The following DEFB121 variants were observed in gnomAD, a reference collection of about 807,000 sequenced individuals.
DEFB121 encodes the protein beta-defensin 121.
DEFB121 carries 5 observed loss-of-function variants against 2.5 expected under a neutral mutation model. That is an observed-to-expected ratio of 1.96 (90% CI 1.03 to 4.13). The LOEUF (loss-of-function observed/expected upper bound fraction) is 4.13. DEFB121 is among the 30% of genes most tolerant of loss of function. The pLI, the probability that DEFB121 is intolerant of heterozygous loss-of-function variation, is 0.00. For missense variants in DEFB121, 87 were observed against 85.0 expected, an observed-to-expected ratio of 1.02 and a Z score of -0.09; for synonymous variants, 39 against 32.6, an observed-to-expected ratio of 1.20 and a Z score of -0.67.
upstream of DEFB121, among the ~76,000 whole-genome samples, chr20:31,415,628 T>A (rs758776154): frequency 3.5e-4 from 51 of 145,242 alleles, no homozygotes; most frequent in Non-Finnish European, 6.0e-4. Context: ...TACTGCAAAG[T>A]AGGCTGTCTA....
chr20:31,406,570 G>T (rs1978488794), upstream of DEFB121, among the ~76,000 whole-genome samples: 1 of 152,176 alleles, frequency 6.6e-6, no homozygotes, highest in African/African-American at 2.4e-5. Context: ...ATCTTAGGAT[G>T]TCCCATATGT....
At chr20:31,409,321 A>T (rs949746993), upstream of DEFB121, among the ~76,000 whole-genome samples, 4 of 152,360 alleles carry the variant, frequency 2.6e-5, no homozygotes, top group Admixed American at 6.5e-5. Context: ...TAGTAACTTT[A>T]TTCACCATAA....
At chr20:31,405,569 G>T (rs1270741323) in intron 1 of DEFB121, among the ~76,000 whole-genome samples, 1 of 152,084 alleles carries the variant, frequency 6.6e-6, no homozygotes, top group East Asian at 1.9e-4. Context: ...ATATCATACT[G>T]CCTTCTTCAC....
chr20:31,415,382 TGGGATCACA>T (rs987680611), upstream of DEFB121, among the ~76,000 whole-genome samples: 1 of 151,806 alleles, frequency 6.6e-6, no homozygotes, highest in Non-Finnish European at 1.5e-5. Flanking sequence ...CCCAAGTAGG[TGGGATCACA>T]GGCACCAGCC....
At chr20:31,409,588 A>C (rs1360697853), upstream of DEFB121, among the ~76,000 whole-genome samples, 3 of 152,042 alleles carry the variant, frequency 2.0e-5, no homozygotes, top group Non-Finnish European at 4.4e-5. Context: ...CAAAAATAAC[A>C]AAATTAGCCA....
Position 31,406,192 on chromosome 20 carries a change from C to A in DEFB121, c.-40G>T. The A allele has an allele frequency of 6.2e-7, 1 of 1,612,984 alleles. No homozygotes were observed. The highest frequency in any genetic ancestry group is 8.5e-7 in the Non-Finnish European group (1 of 1,179,358). ...CAGGGAGGGATAGGAGGCTTCTCAA[C>A]TGGTAAAACAGACAGAGGACTCCAT... On this transcript the variant is annotated 5_prime_UTR_variant, in exon 1 of 2. Transcript: ENST00000376314.
At chr20:31,415,691 C>G (rs1341211710), upstream of DEFB121, among the ~76,000 whole-genome samples, 5 of 152,026 alleles carry the variant, frequency 3.3e-5, no homozygotes, top group East Asian at 7.7e-4. Context: ...GAACAACCAC[C>G]CAAGGGCCAG....
At chr20:31,417,340 G>C (rs1978835172), upstream of DEFB121, among the ~76,000 whole-genome samples, 1 of 151,906 alleles carries the variant, frequency 6.6e-6, no homozygotes, top group Non-Finnish European at 1.5e-5. Context: ...GCCAGACCCT[G>C]TCTCAAAAAG....
chr20:31,405,166 G>A lies in DEFB121; in HGVS notation c.59-81C>T, dbSNP rs937906193. On this transcript the variant is annotated intron_variant, in intron 1 of 1. Transcript: ENST00000376314. ...TGTGAAAGGAAGAGGCTAAAGCCCA[G>A]TAGAGGAGTAGGAGGGAAATGAGGA... 4.3e-6 allele frequency: 6 copies of A among 1,380,184 alleles called. No individual in the cohort carries two copies. In the African/African-American group the frequency reaches 5.8e-5, roughly 13 times the overall value. 85.5% of individuals were successfully genotyped at this position (1,380,184 alleles called of 1,614,324 possible).
upstream of DEFB121, among the ~76,000 whole-genome samples, chr20:31,407,533 A>C (rs2122351888): frequency 6.6e-6 from 1 of 152,302 alleles, no homozygotes; most frequent in East Asian, 1.9e-4. Flanking sequence ...AAGGAGGATG[A>C]GAGATACGTG....
upstream of DEFB121, among the ~76,000 whole-genome samples, chr20:31,415,319 G>A (rs565833811): frequency 8.2e-4 from 123 of 149,960 alleles, no homozygotes; most frequent in Middle Eastern, 0.027. Context: ...GTACGATCTC[G>A]GCTCACTGTA....
exon 1 of DEFB121, chr20:31,412,647 G>T (rs1384943650): frequency 7.7e-7 from 1 of 1,290,884 alleles, no homozygotes; most frequent in East Asian, 5.5e-5. Context: ...GAAACATTTG[G>T]CTATTGACCT....
At chr20:31,416,550 G>T (rs1978811524), upstream of DEFB121, among the ~76,000 whole-genome samples, 1 of 152,006 alleles carries the variant, frequency 6.6e-6, no homozygotes, top group Admixed American at 6.6e-5. Context: ...GACCTTAGAA[G>T]TTGTTGCATC....
chr20:31,405,043 C>T lies in DEFB121; in HGVS notation c.101G>A (p.Cys34Tyr). The change falls in exon 2 of 2, where the codon TGT becomes TAT. Residue 34 changes from cysteine to tyrosine, a missense_variant. By Grantham distance (194) the Cys-to-Tyr change is radical. Coordinates refer to ENST00000376314, the MANE Select transcript of DEFB121 (RefSeq NM_001011878.3). The part of the protein sequence containing the change: ...WGKSGRCRTT[C>Y]KESEVYYILC... ...TATATAGTATACTTCACTTTCTTTA[C>T]ATGTTGTTCTGCACCTGCCTGACTT... 4 of 1,610,768 alleles carry T rather than the reference C, an allele frequency of 2.5e-6. No individual in the cohort carries two copies. The highest frequency in any genetic ancestry group is 3.4e-6 in the Non-Finnish European group (4 of 1,179,212).
rs1307764534 is a variant in DEFB121, at chr20:31,405,023, A to G, written c.121T>C (p.Tyr41His). The change falls in exon 2 of 2, where the codon TAT (tyrosine) becomes CAT (histidine). Residue 41 changes from tyrosine to histidine, a missense_variant. Transcript: ENST00000376314. ...TTAGCCTCAGTTTTGCATAATATAT[A>G]GTATACTTCACTTTCTTTACATGTT... is the stretch of plus-strand genomic sequence containing the variant. ...RTTCKESEVY[Y>H]ILCKTEAKCC... The G allele has an allele frequency of 6.2e-7, 1 of 1,612,710 alleles. No homozygotes were observed.
upstream of DEFB121, among the ~76,000 whole-genome samples, chr20:31,409,180 C>T (rs751155540): frequency 6.6e-6 from 1 of 152,186 alleles, no homozygotes; most frequent in Non-Finnish European, 1.5e-5. Flanking sequence ...GGTATCTCCA[C>T]TTTGGAAAAA....
chr20:31,406,593 A>G (rs548052585), upstream of DEFB121, among the ~76,000 whole-genome samples: 1 of 152,320 alleles, frequency 6.6e-6, no homozygotes, highest in South Asian at 2.1e-4. Flanking sequence ...ATGATTCATT[A>G]TAATACCAAA....
upstream of DEFB121, among the ~76,000 whole-genome samples, chr20:31,408,154 AAAC>A (rs1159223499): frequency 6.6e-6 from 1 of 152,182 alleles, no homozygotes; most frequent in African/African-American, 2.4e-5. Flanking sequence ...ACATGGAAGA[AAAC>A]AACAAGCCAG....
chr20:31,418,259 CAAAAAAAAAAAA>C, the DEFB121 span, among the ~76,000 whole-genome samples: 31,502 of 83,598 alleles, frequency 0.38, 4,735 homozygotes, highest in African/African-American at 0.46. Flanking sequence ...GACTCCGTCT[CAAAAAAAAAAAA>C]AAAAAAAAAA....
Sources: allele counts gnomAD v4.1 joint callset (sites outside exome capture counted in the v4.1 genomes callset), GRCh38; gene constraint gnomAD v4.1.1; transcripts MANE v1.5; gene names NCBI Gene and HGNC (gene_info 2026-07-23, HGNC 2026-07-21).